Variants in NME9 observed in about 807,000 individuals in gnomAD.
NME9 encodes thioredoxin domain-containing protein 6.
A neutral mutation model predicts 44.4 loss-of-function variants in NME9; 48 were observed. That is an observed-to-expected ratio of 1.08 (90% CI 0.86 to 1.37). NME9 has a LOEUF of 1.37. Ranked by LOEUF, NME9 falls within the 40% of genes most tolerant of loss-of-function variation. The probability of loss-of-function intolerance (pLI) is 0.00; values close to 1 mark genes in which losing one functional copy is unlikely to be tolerated. For synonymous variants in NME9, 139 were observed against 147.1 expected, an observed-to-expected ratio of 0.94 and a Z score of 0.40; for missense variants, 325 against 405.2, an observed-to-expected ratio of 0.80 and a Z score of 1.70.
chr3:138,315,710 G>T, intron 4 of NME9, 67 bp from the exon 5 acceptor site: 1 of 1,208,192 alleles, frequency 8.3e-7, no homozygotes, highest in Non-Finnish European at 1.2e-6. Context: ...GAGATGGCAA[G>T]AGTGTCTAGG....
rs772800027 is a variant in NME9, at chr3:138,304,886, C to T, written c.778G>A (p.Glu260Lys). The T allele has an allele frequency of 5.3e-5, 86 of 1,613,886 alleles. No homozygotes were observed. Among genetic ancestry groups the T allele is most frequent in the Non-Finnish European group, 7.2e-5 (85 of 1,179,906 alleles). ...GPRDPNVARR[E>K]QPESLRAQYG... Reference sequence around the variant, plus strand: ...TGGTGACATCACCTTTCTGGCTGCTCCCTCCTGGCCACATTGGGGTCACGG... The same window carrying T: ...TGGTGACATCACCTTTCTGGCTGCTTCCTCCTGGCCACATTGGGGTCACGG... Residue 260 changes from glutamate (E) to lysine (K), a missense_variant, in exon 9 of 11, where the codon GAG becomes AAG. By Grantham distance (56) the Glu-to-Lys change is moderately conservative. Transcript: ENST00000333911.
At chr3:138,266,511 C>T (rs575730950) in intron 8 of NME9, among the ~76,000 whole-genome samples, 1 of 152,244 alleles carries the variant, frequency 6.6e-6, no homozygotes, top group South Asian at 2.1e-4. Flanking sequence ...TTTTTCATTT[C>T]CCTGCTACGG....
At chr3:138,269,061 G>T (rs1186911103) in intron 8 of NME9, among the ~76,000 whole-genome samples, 1 of 152,142 alleles carries the variant, frequency 6.6e-6, no homozygotes, top group Non-Finnish European at 1.5e-5. Context: ...AGATAATGTG[G>T]ATTAGGTACA....
intron 8 of NME9, chr3:138,267,133 G>T (rs2048359230): frequency 1.6e-6 from 2 of 1,276,186 alleles, no homozygotes; most frequent in Non-Finnish European, 2.2e-6. Context: ...ATCATTAGTA[G>T]TATCCTTTTT....
chr3:138,325,305 C>T (rs1270550383), intron 1 of NME9, among the ~76,000 whole-genome samples: 2 of 152,062 alleles, frequency 1.3e-5, no homozygotes, highest in African/African-American at 2.4e-5. Context: ...GCCATTCACT[C>T]ACATTTTTTT....
At chr3:138,312,045 A>T (rs898526615) in intron 6 of NME9, among the ~76,000 whole-genome samples, 1 of 152,216 alleles carries the variant, frequency 6.6e-6, no homozygotes, top group African/African-American at 2.4e-5. Flanking sequence ...GTAGACTTCA[A>T]TTTAACCAAA....
In NME9 at chr3:138,271,798, C is replaced by CTTTTTTTTTTTTT. The variant is rs776320900; in HGVS notation, c.746-9225_746-9213dup. Among the ~76,000 whole-genome samples, 131 of 136,118 alleles carry CTTTTTTTTTTTTT rather than the reference C, an allele frequency of 9.6e-4. 1 individual carries two copies. Among genetic ancestry groups the CTTTTTTTTTTTTT allele is most frequent in the African/African-American group, 3.6e-3 (127 of 35,274 alleles). The allele number at this position is 136,118 out of a possible 152,430, so 89.3% of individuals were successfully genotyped here. ...AGTTCACAAGATTTTTTTTTTCTTT[C>CTTTTTTTTTTTTT]TTTTTTTTTTTTTTTGATACAGAGT... On this transcript the variant is annotated intron_variant, in intron 8 of 8. Coordinates refer to the NME9 transcript ENST00000317876.
chr3:138,318,443 GC>G (rs558829871), intron 3 of NME9, among the ~76,000 whole-genome samples: 222 of 130,706 alleles, frequency 1.7e-3, no homozygotes, highest in African/African-American at 9.9e-3. Flanking sequence ...TCTCCTACCC[GC>G]CCCCCAGCTA....
downstream of NME9, chr3:138,300,976 T>C: frequency 1.2e-6 from 1 of 813,212 alleles, no homozygotes. Flanking sequence ...AGCTCATGGT[T>C]ACCAAATTAA....
intron 6 of NME9, among the ~76,000 whole-genome samples, chr3:138,308,986 C>T (rs1476090344): frequency 7.1e-6 from 1 of 140,560 alleles, no homozygotes; most frequent in East Asian, 2.2e-4. Flanking sequence ...TCCAAGAATA[C>T]TGTACCCAGC....
chr3:138,328,305 G>A (rs1288383737), intron 1 of NME9, among the ~76,000 whole-genome samples: 3 of 152,072 alleles, frequency 2.0e-5, no homozygotes, highest in Admixed American at 2.0e-4. Flanking sequence ...ACTACATCAG[G>A]TCTTCTGACT....
chr3:138,329,585 G>A lies in NME9; in HGVS notation c.-250C>T. 1 of 1,321,204 alleles carries A rather than the reference G, an allele frequency of 7.6e-7. No homozygotes were observed. Among genetic ancestry groups the A allele is most frequent in the Non-Finnish European group, 9.6e-7 (1 of 1,038,234 alleles). The allele number at this position is 1,321,204 out of a possible 1,614,324, so 81.8% of individuals were successfully genotyped here. A position where few individuals can be genotyped will look rare whatever the true frequency, so the allele number is the denominator to read the frequency against. ...CGTGGCTCGCCGGGCGGTTTTCTGG[G>A]GATCTGCGAAGCCCCCTCCCCACCC... On this transcript the variant is annotated 5_prime_UTR_variant, in exon 1 of 11. Transcript: ENST00000333911.
chr3:138,274,362 A>G, intron 8 of NME9: 1 of 824,966 alleles, frequency 1.2e-6, no homozygotes, highest in South Asian at 1.6e-5. Context: ...GCAGTTGTGA[A>G]TCATATTGTT....
At chr3:138,296,723 T>G (rs935944920), downstream of NME9, 1 of 152,138 alleles carries the variant, frequency 6.6e-6, no homozygotes. Context: ...AGAAGTAAAG[T>G]GAGGCAACAG....
At chr3:138,271,216 T>G (rs1275927287) in intron 8 of NME9, among the ~76,000 whole-genome samples, 2 of 152,248 alleles carry the variant, frequency 1.3e-5, no homozygotes, top group South Asian at 4.1e-4. Context: ...GCACAGCTTT[T>G]AGCACTTCTC....
chr3:138,306,757 GGTGGCAGAGGAGGAACATGGGA>G (rs1455760777), intron 6 of NME9, among the ~76,000 whole-genome samples: 1 of 152,238 alleles, frequency 6.6e-6, no homozygotes, highest in African/African-American at 2.4e-5. Context: ...AACCTGGGCA[GGTGGCAGAGGAGGAACATGGGA>G]GAAGGGATTG....
chr3:138,273,158 A>G (rs764683735), intron 8 of NME9: 17 of 1,576,704 alleles, frequency 1.1e-5, no homozygotes, highest in Middle Eastern at 1.7e-4. Flanking sequence ...CTAGCCCTGC[A>G]TATGCATTGC....
At chr3:138,279,125 A>G (rs1000487314) in intron 8 of NME9, among the ~76,000 whole-genome samples, 3 of 152,232 alleles carry the variant, frequency 2.0e-5, no homozygotes, top group Admixed American at 2.0e-4. Context: ...GTCTTTCACT[A>G]TTGAATATGT....
intron 1 of NME9, 34 bp downstream of exon 1, chr3:138,329,269 C>A (rs1188731262): frequency 6.5e-7 from 1 of 1,528,134 alleles, no homozygotes; most frequent in South Asian, 1.2e-5. Context: ...CGAGCCCAAC[C>A]CAGAGCTGGA....
Sources: allele counts gnomAD v4.1 joint callset (sites outside exome capture counted in the v4.1 genomes callset), GRCh38; gene constraint gnomAD v4.1.1; transcripts MANE v1.5; gene names NCBI Gene and HGNC (gene_info 2026-07-23, HGNC 2026-07-21).